MRPL2: variants seen among roughly 807,000 people sequenced by gnomAD.
MRPL2 encodes large ribosomal subunit protein uL2m.
Under a neutral mutation model 34.6 loss-of-function variants are expected in MRPL2, and 27 were observed. That is an observed-to-expected ratio of 0.78 (90% CI 0.58 to 1.08). The LOEUF (loss-of-function observed/expected upper bound fraction) is 1.08. MRPL2 is among the 50% of genes least tolerant of loss of function. The pLI is 0.00. For missense variants in MRPL2, 414 were observed against 419.3 expected (o/e 0.99, Z 0.11); for synonymous variants, 155 against 158.0 (o/e 0.98, Z 0.14).
chr6:43,054,443 A>G lies in MRPL2; in HGVS notation c.749T>C (p.Val250Ala), dbSNP rs769081968. 1 of 1,614,224 alleles carries G rather than the reference A, an allele frequency of 6.2e-7. No individual in the cohort carries two copies. Among genetic ancestry groups the G allele is most frequent in the South Asian group, 1.1e-5 (1 of 91,082 alleles). ...CVATVGRVSN[V>A]DHNKRVIGKA... ...GCCAATGACCCGTTTGTTATGATCAACGTTGGATACTCGGCCTACTGTTGC... is the reference window on the plus strand; with the variant it reads ...GCCAATGACCCGTTTGTTATGATCAGCGTTGGATACTCGGCCTACTGTTGC... Residue 250 changes from valine to alanine, a missense_variant, in exon 7 of 7, where the codon GTT (valine) becomes GCT (alanine). Physicochemically the swap from Val to Ala is moderately conservative, Grantham distance 64. Coordinates refer to ENST00000388752, the MANE Select transcript of MRPL2 (RefSeq NM_015950.5).
At chr6:43,058,840 C>T (rs1475669916) in intron 1 of MRPL2, among the ~76,000 whole-genome samples, 1 of 152,184 alleles carries the variant, frequency 6.6e-6, no homozygotes, top group East Asian at 1.9e-4. Flanking sequence ...TCCTTGCAGG[C>T]ATCATATCAT....
chr6:43,058,306 G>T, intron 1 of MRPL2, 73 bp from the exon 2 acceptor site: 1 of 1,476,110 alleles, frequency 6.8e-7, no homozygotes, highest in Non-Finnish European at 9.4e-7. Context: ...AAGGCAGAGG[G>T]CACAGATCAA....
chr6:43,058,112 G>A lies in MRPL2; in HGVS notation c.218C>T (p.Thr73Ile), dbSNP rs1225618267. The change falls in exon 2 of 7, where the codon ACC becomes ATC. Residue 73 changes from threonine (T) to isoleucine (I), a missense_variant. Thr to Ile is a moderately conservative substitution (Grantham distance 89, BLOSUM62 -1). Transcript: ENST00000388752. ...FVSWKSRTKYTITPVKMRKSG... is the reference protein window; with the variant it reads ...FVSWKSRTKYIITPVKMRKSG... ...CTTCCTCATCTTCACTGGTGTAATG[G>A]TGTACTTGGTACGACTCTTCCAGGA... is the stretch of plus-strand genomic sequence containing the variant. 6.2e-7 allele frequency: 1 copy of A among 1,614,174 alleles called. No homozygotes were observed. Among genetic ancestry groups the A allele is most frequent in the South Asian group, 1.1e-5 (1 of 91,086 alleles).
chr6:43,057,997 T>C, intron 2 of MRPL2, 68 bp downstream of exon 2: 2 of 1,540,788 alleles, frequency 1.3e-6, no homozygotes, highest in South Asian at 2.3e-5. Context: ...AGTGTGTCAA[T>C]ATACAAGTCT....
At chr6:43,056,261 G>A in intron 3 of MRPL2, 46 bp downstream of exon 3, 10 of 1,613,362 alleles carry the variant, frequency 6.2e-6, no homozygotes, top group Middle Eastern at 1.6e-4. Flanking sequence ...GAGAAGCTAT[G>A]GAGTTATTCA....
At chr6:43,059,702 A>G (rs766596885), upstream of MRPL2, 54 of 1,294,908 alleles carry the variant, frequency 4.2e-5, 1 homozygote, top group Non-Finnish European at 4.9e-5. Context: ...CTTTGAGGGT[A>G]TCCTGGGGCT....
In MRPL2 at chr6:43,056,012, A is replaced by G; in HGVS notation, c.521-5T>C. 6.2e-7 allele frequency: 1 copy of G among 1,614,048 alleles called. No homozygotes were observed. Among genetic ancestry groups the G allele is most frequent in the Non-Finnish European group, 8.5e-7 (1 of 1,179,986 alleles). ...CATCCCCTTCCCGAGCAGCAACTAA[A>G]AGACAGGATTTCATTAGCTCTAGAA... On this transcript the variant is annotated splice_region_variant and splice_polypyrimidine_tract_variant and intron_variant, in intron 4 of 6. Coordinates refer to ENST00000388752, the MANE Select transcript of MRPL2 (RefSeq NM_015950.5).
upstream of MRPL2, chr6:43,059,569 A>C (rs1430547792): frequency 2.8e-6 from 4 of 1,420,270 alleles, no homozygotes; most frequent in Non-Finnish European, 3.7e-6. Flanking sequence ...ATGTCGCGTG[A>C]CTAGGAAACA....
rs1459715594 is a variant in MRPL2, at chr6:43,056,443, G to A, written c.268C>T (p.Arg90Ter). Residue 90 changes from arginine to a stop codon, truncating the protein, a stop_gained and splice_region_variant, in exon 3 of 7, where the codon CGA becomes TGA. Coordinates refer to ENST00000388752, the MANE Select transcript of MRPL2 (RefSeq NM_015950.5). LOFTEE classifies it high-confidence loss of function. ...CCGCCAATACCATGCACCCGGATTC[G>A]GCCTGTGGTTTAGGACAGTTGGGGG... ...RKSGGRDHTG[R>*]IRVHGIGGGH... 14 of 1,614,090 alleles carry A rather than the reference G, an allele frequency of 8.7e-6. No homozygotes were observed. The highest frequency in any genetic ancestry group is 1.2e-5 in the Non-Finnish European group (14 of 1,180,030).
At chr6:43,057,121 C>A (rs1392907570) in intron 2 of MRPL2, among the ~76,000 whole-genome samples, 2 of 152,210 alleles carry the variant, frequency 1.3e-5, no homozygotes, top group African/African-American at 4.8e-5. Context: ...AAGTTATCCT[C>A]CCGCCTTGGC....
At position 43,054,387 on chromosome 6, in the gene MRPL2, T is replaced by C. The variant is rs761826878; in HGVS notation, c.805A>G (p.Arg269Gly). ...CGGTGCCACCGCCCACTGTTAGGCC[T>C]CTTGCCCAGCCAGCGGTTGCGACCT... is the stretch of plus-strand genomic sequence containing the variant. Reference protein sequence around the residue: ...KAGRNRWLGKRPNSGRWHRKG... With the variant: ...KAGRNRWLGKGPNSGRWHRKG... The change falls in exon 7 of 7, where the codon AGG (arginine) becomes GGG (glycine). Residue 269 changes from arginine to glycine, a missense_variant. Physicochemically the swap from Arg to Gly is moderately radical, Grantham distance 125. Transcript: ENST00000388752. 6 of 1,614,214 alleles carry C rather than the reference T, an allele frequency of 3.7e-6. No homozygotes were observed. The highest frequency in any genetic ancestry group is 2.5e-6 in the Non-Finnish European group (3 of 1,180,040).
chr6:43,054,073 A>C lies in MRPL2; in HGVS notation c.*201T>G. ...TTCCATCCCCGGCTCCATTACTTGT[A>C]AGGGAATTGGGGTGGGGACAGACCC... On this transcript the variant is annotated 3_prime_UTR_variant, in exon 7 of 7. Coordinates refer to ENST00000388752, the MANE Select transcript of MRPL2 (RefSeq NM_015950.5). 6.3e-6 allele frequency: 4 copies of C among 636,094 alleles called. No homozygotes were observed. Among genetic ancestry groups the C allele is most frequent in the Non-Finnish European group, 1.1e-5 (4 of 371,680 alleles). The allele number at this position is 636,094 out of a possible 1,614,324, so 39.4% of individuals were successfully genotyped here. A position where few individuals can be genotyped will look rare whatever the true frequency, so the allele number is the denominator to read the frequency against.
chr6:43,057,411 C>T (rs1764907716), intron 2 of MRPL2, among the ~76,000 whole-genome samples: 1 of 152,186 alleles, frequency 6.6e-6, no homozygotes, highest in Admixed American at 6.5e-5. Context: ...GATCTCGGCC[C>T]ACTGCAGCCT....
intron 2 of MRPL2, among the ~76,000 whole-genome samples, chr6:43,056,864 C>CG (rs1232588275): frequency 6.6e-6 from 1 of 151,934 alleles, no homozygotes; most frequent in Non-Finnish European, 1.5e-5. Context: ...TTAGTAGAGA[C>CG]GGGTTTCACT....
chr6:43,055,647 C>T, intron 5 of MRPL2, 29 bp from the exon 6 acceptor site: 13 of 1,613,322 alleles, frequency 8.1e-6, no homozygotes, highest in Non-Finnish European at 1.0e-5. Context: ...TTGCCACCCT[C>T]CACAAAACAG....
rs779510717 is a variant in MRPL2 at position 43,056,313 on chromosome 6, G to A, written c.398C>T (p.Pro133Leu). Residue 133 changes from proline (P) to leucine (L), a missense_variant, in exon 3 of 7, where the codon CCC (proline) becomes CTC (leucine). Pro to Leu is a moderately conservative substitution (Grantham distance 98, BLOSUM62 -3). Transcript: ENST00000388752. The part of the protein sequence containing the change: ...EEKVIQVRYD[P>L]CRSADIALVA... ...TCCCACATCCCAAACTTGCCTACAGGGATCATAGCGGACTTGGATAACCTT... is the reference window on the plus strand; with the variant it reads ...TCCCACATCCCAAACTTGCCTACAGAGATCATAGCGGACTTGGATAACCTT... The A allele has an allele frequency of 5.0e-6, 8 of 1,614,152 alleles. No individual in the cohort carries two copies. The South Asian group carries it at 5.5e-5, about 11-fold the overall frequency.
chr6:43,059,571 T>TA (rs1464004340), upstream of MRPL2: 2 of 1,417,754 alleles, frequency 1.4e-6, no homozygotes, highest in African/African-American at 2.9e-5. Flanking sequence ...GTCGCGTGAC[T>TA]AGGAAACAGG....
Position 43,059,395 on chromosome 6 carries a change from T to C in MRPL2, c.-14A>G. The C allele has an allele frequency of 6.5e-7, 1 of 1,534,804 alleles. No individual in the cohort carries two copies. Among genetic ancestry groups the C allele is most frequent in the Non-Finnish European group, 8.8e-7 (1 of 1,135,886 alleles). ...GCACAGGGCCATCAGCACGACACCC[T>C]TACTTTTAGCCAAGCTGCTCGGTGC... On this transcript the variant is annotated 5_prime_UTR_variant, in exon 1 of 7. Transcript: ENST00000388752.
intron 2 of MRPL2, 42 bp from the exon 3 acceptor site, chr6:43,056,487 T>C (rs753670828): frequency 2.5e-6 from 4 of 1,611,914 alleles, no homozygotes; most frequent in African/African-American, 2.7e-5. Flanking sequence ...CAGGTCAGAG[T>C]AGTTTAGTTT....
Sources: gnomAD v4.1 joint callset for allele counts (sites outside exome capture counted in the v4.1 genomes callset) on GRCh38, gnomAD v4.1.1 for gene constraint, MANE v1.5 for transcripts, NCBI Gene and HGNC (gene_info 2026-07-23, HGNC 2026-07-21) for gene names.